The following RYR2 variants were observed in gnomAD, a reference collection of about 807,000 sequenced individuals.
The protein encoded by RYR2 is ryanodine receptor 2, also known as cardiac muscle ryanodine receptor-calcium release channel.
Under a neutral mutation model 601.1 loss-of-function variants are expected in RYR2, and 227 were observed. The ratio of observed to expected loss-of-function variants is 0.38; its 90% confidence interval spans 0.34 to 0.42. RYR2 has a LOEUF of 0.42. Ranked by LOEUF, RYR2 falls within the 10% of genes least tolerant of loss-of-function variation. RYR2 has a pLI of 1.00. For missense variants in RYR2, 4,646 were observed against 6,156.5 expected (o/e 0.75, Z 8.21); for synonymous variants, 2,223 against 2,175.1 (o/e 1.02, Z -0.61).
At position 237,456,589 on chromosome 1, in the gene RYR2, T is replaced by TTA; in HGVS notation, c.1477-11_1477-10insTA. The TTA allele has an allele frequency of 1.4e-6, 2 of 1,472,098 alleles. No individual in the cohort carries two copies. The highest frequency in any genetic ancestry group is 9.1e-7 in the Non-Finnish European group (1 of 1,104,588). 91.2% of individuals were successfully genotyped at this position (1,472,098 alleles called of 1,614,324 possible). On this transcript the variant is annotated splice_polypyrimidine_tract_variant and intron_variant, in intron 15 of 104. Coordinates refer to ENST00000366574, the MANE Select transcript of RYR2 (RefSeq NM_001035.3). Reference sequence around the variant, plus strand: ...GTCTGATTGTGATTTTTTTTTTTTTTAACGTTCCAGGGAATGATCAACCTC... The same window carrying TTA: ...GTCTGATTGTGATTTTTTTTTTTTTTTAAACGTTCCAGGGAATGATCAACCTC...
At chr1:237,478,261 C>T (rs1182189175) in intron 17 of RYR2, among the ~76,000 whole-genome samples, 4 of 152,156 alleles carry the variant, frequency 2.6e-5, no homozygotes, top group African/African-American at 9.7e-5. Flanking sequence ...TAGAGTTGGA[C>T]TGGCCTAAGT....
intron 16 of RYR2, among the ~76,000 whole-genome samples, chr1:237,463,354 A>G (rs1429457270): frequency 1.3e-5 from 2 of 152,064 alleles, no homozygotes; most frequent in African/African-American, 4.8e-5. Flanking sequence ...AGTGAAGGTA[A>G]TTTCTTGGAA....
In RYR2 at chr1:237,101,883, G is replaced by T. The variant is rs981171961; in HGVS notation, c.48+59314G>T. 5.3e-5 allele frequency among the ~76,000 whole-genome samples: 8 copies of T among 152,192 alleles called. 1 individual carries two copies. The highest frequency in any genetic ancestry group is 4.6e-4 in the Admixed American group (7 of 15,280). ...ATTTCTTCCATCTAAGCAAGGTGGG[G>T]GAGGGAGAGAAAGAGATTATTCCTA... On this transcript the variant is annotated intron_variant, in intron 1 of 104. Coordinates refer to ENST00000366574, the MANE Select transcript of RYR2 (RefSeq NM_001035.3).
chr1:237,061,250 TATCATCTATCTATCTATCC>T (rs1558163568), intron 1 of RYR2, among the ~76,000 whole-genome samples: 7 of 119,914 alleles, frequency 5.8e-5, no homozygotes, highest in East Asian at 2.4e-4. Context: ...TCTATCTATC[TATCATCTATCTATCTATCC>T]ATCTATCATC....
intron 27 of RYR2, among the ~76,000 whole-genome samples, chr1:237,555,477 AT>A (rs1670792428): frequency 6.6e-6 from 1 of 152,150 alleles, no homozygotes; most frequent in South Asian, 2.1e-4. Context: ...ACCTGGTTTT[AT>A]AGTCTGACAC....
chr1:237,262,711 T>G (rs1374616172), intron 1 of RYR2, among the ~76,000 whole-genome samples: 1 of 152,202 alleles, frequency 6.6e-6, no homozygotes, highest in Non-Finnish European at 1.5e-5. Flanking sequence ...TCCGTGGAGT[T>G]TAAGCTGATG....
chr1:237,152,590 T>G (rs765727759), intron 1 of RYR2, among the ~76,000 whole-genome samples: 1 of 152,240 alleles, frequency 6.6e-6, no homozygotes. Context: ...TGATTTGCAT[T>G]TCTCTAATCA....
chr1:237,492,004 G>A (rs1663401898), intron 18 of RYR2, 80 bp downstream of exon 18: 2 of 715,826 alleles, frequency 2.8e-6, no homozygotes, highest in Middle Eastern at 4.0e-4. Context: ...CTTTTAAAAA[G>A]TGTGTCAAAT....
intron 82 of RYR2, among the ~76,000 whole-genome samples, chr1:237,759,484 A>G (rs939561433): frequency 6.6e-6 from 1 of 152,288 alleles, no homozygotes; most frequent in Admixed American, 6.5e-5. Context: ...TATCTGAATC[A>G]CCAAATTACT....
intron 68 of RYR2, 49 bp downstream of exon 68, chr1:237,707,318 A>G: frequency 2.0e-6 from 2 of 1,023,706 alleles, no homozygotes; most frequent in Non-Finnish European, 2.7e-6. Context: ...TTTTATTTCC[A>G]AAAGAATTTT....
chr1:237,510,735 C>T (rs1302500018), intron 23 of RYR2, among the ~76,000 whole-genome samples: 1 of 152,222 alleles, frequency 6.6e-6, no homozygotes, highest in Admixed American at 6.5e-5. Flanking sequence ...CATCTAGGTG[C>T]TGCCACGGCG....
chr1:237,365,102 T>C (rs1333926196), intron 5 of RYR2, among the ~76,000 whole-genome samples: 1 of 152,202 alleles, frequency 6.6e-6, no homozygotes, highest in African/African-American at 2.4e-5. Flanking sequence ...GCCCACTACC[T>C]TTCTCCTATA....
intron 12 of RYR2, among the ~76,000 whole-genome samples, chr1:237,435,196 G>T (rs1572315457): frequency 6.6e-6 from 1 of 152,298 alleles, no homozygotes; most frequent in Non-Finnish European, 1.5e-5. Flanking sequence ...TAAAGGTAGA[G>T]GTGAATAACT....
intron 10 of RYR2, among the ~76,000 whole-genome samples, chr1:237,404,123 A>G (rs1467869965): frequency 6.6e-6 from 1 of 152,114 alleles, no homozygotes; most frequent in East Asian, 1.9e-4. Flanking sequence ...GCCTGGTGGC[A>G]TGCACCTGTA....
intron 1 of RYR2, among the ~76,000 whole-genome samples, chr1:237,262,851 G>A (rs76271703): frequency 0.049 from 7,403 of 151,942 alleles, 198 homozygotes; most frequent in African/African-American, 0.062. Context: ...AAAAAATCTC[G>A]GAAGACTGGA....
intron 1 of RYR2, among the ~76,000 whole-genome samples, chr1:237,046,333 A>G (rs562823109): frequency 6.6e-6 from 1 of 152,292 alleles, no homozygotes; most frequent in East Asian, 1.9e-4. Context: ...TTTCCAGGAG[A>G]GAAAGGCTTC....
chr1:237,152,973 C>A (rs1416702302), intron 1 of RYR2, among the ~76,000 whole-genome samples: 1 of 152,088 alleles, frequency 6.6e-6, no homozygotes, highest in African/African-American at 2.4e-5. Flanking sequence ...AAAGAAAACC[C>A]CATCAAAAAG....
At chr1:237,245,258 G>T (rs1572341472) in intron 1 of RYR2, among the ~76,000 whole-genome samples, 1 of 151,800 alleles carries the variant, frequency 6.6e-6, no homozygotes, top group African/African-American at 2.4e-5. Flanking sequence ...GCTTGTATTT[G>T]TACTCTGATC....
At chr1:237,162,335 CA>C in intron 1 of RYR2, among the ~76,000 whole-genome samples, 1 of 152,124 alleles carries the variant, frequency 6.6e-6, no homozygotes, top group African/African-American at 2.4e-5. Context: ...CATAAGTCAT[CA>C]ACAAATCTTT....
Sources: gnomAD v4.1 joint callset for allele counts (sites outside exome capture counted in the v4.1 genomes callset) on GRCh38, gnomAD v4.1.1 for gene constraint, MANE v1.5 for transcripts, NCBI Gene and HGNC (gene_info 2026-07-23, HGNC 2026-07-21) for gene names.